DLGAP2: variants seen among roughly 807,000 people sequenced by gnomAD.
DLGAP2 encodes the protein disks large-associated protein 2.
Under a neutral mutation model 100.3 loss-of-function variants are expected in DLGAP2, and 26 were observed. The observed-to-expected ratio is 0.26, with a 90% CI of 0.19 to 0.36. DLGAP2 has a LOEUF of 0.36. DLGAP2 is among the 10% of genes least tolerant of loss of function. DLGAP2 has a pLI of 1.00. For missense variants in DLGAP2, 1,858 were observed against 1,453.2 expected (o/e 1.28, Z -4.53); for synonymous variants, 886 against 630.1 (o/e 1.41, Z -6.08).
At chr8:742,320 G>C (rs1366915463) in intron 1 of DLGAP2, among the ~76,000 whole-genome samples, 1 of 152,164 alleles carries the variant, frequency 6.6e-6, no homozygotes, top group Non-Finnish European at 1.5e-5. Flanking sequence ...CTGTAAACTT[G>C]TGTTAAAAAT....
intron 3 of DLGAP2, among the ~76,000 whole-genome samples, chr8:1,284,685 C>T (rs1224418987): frequency 1.3e-5 from 2 of 152,112 alleles, no homozygotes; most frequent in African/African-American, 4.8e-5. Context: ...GAAGTGGCAC[C>T]GTCTCAGCTC....
chr8:912,861 G>A (rs937216077), intron 2 of DLGAP2, among the ~76,000 whole-genome samples: 11 of 148,444 alleles, frequency 7.4e-5, no homozygotes, highest in South Asian at 6.5e-4. Flanking sequence ...CCCGCACCAC[G>A]GTGCCCGCCT....
chr8:1,199,938 C>CCG (rs1477038555), intron 2 of DLGAP2, among the ~76,000 whole-genome samples: 1 of 67,356 alleles, frequency 1.5e-5, no homozygotes, highest in Non-Finnish European at 3.2e-5. Flanking sequence ...TGGAAGGATT[C>CCG]CCCCCCACAA....
At chr8:1,185,030 G>C (rs1183867278) in intron 2 of DLGAP2, among the ~76,000 whole-genome samples, 1 of 152,140 alleles carries the variant, frequency 6.6e-6, no homozygotes, top group Non-Finnish European at 1.5e-5. Context: ...CCGGGGGACG[G>C]GGGATGGTGA....
chr8:1,625,317 T>C (rs1797463322), intron 6 of DLGAP2, among the ~76,000 whole-genome samples: 1 of 152,230 alleles, frequency 6.6e-6, no homozygotes, highest in Non-Finnish European at 1.5e-5. Flanking sequence ...TGTGGAAAGA[T>C]TGTCAATAAA....
chr8:1,469,124 C>T (rs1423906235), intron 3 of DLGAP2, among the ~76,000 whole-genome samples: 3 of 152,172 alleles, frequency 2.0e-5, no homozygotes, highest in Admixed American at 6.5e-5. Context: ...CTGGGCGCCC[C>T]GTGTCCAGCT....
chr8:1,249,483 A>G (rs1453587169), intron 2 of DLGAP2, among the ~76,000 whole-genome samples: 1 of 152,226 alleles, frequency 6.6e-6, no homozygotes, highest in Non-Finnish European at 1.5e-5. Flanking sequence ...ATAAAAAGCT[A>G]GGAAAGAGAT....
intron 8 of DLGAP2, among the ~76,000 whole-genome samples, chr8:1,656,956 T>A (rs563937029): frequency 3.3e-5 from 5 of 152,156 alleles, no homozygotes; most frequent in Non-Finnish European, 7.3e-5. Context: ...AAAGCCCAGG[T>A]ATGTTTTCAT....
At chr8:778,962 A>T (rs1821609539) in intron 1 of DLGAP2, among the ~76,000 whole-genome samples, 1 of 152,140 alleles carries the variant, frequency 6.6e-6, no homozygotes, top group Non-Finnish European at 1.5e-5. Flanking sequence ...TTGCAGTTTG[A>T]TCTCAGACTG....
chr8:1,221,838 G>A (rs1038378703), intron 2 of DLGAP2, among the ~76,000 whole-genome samples: 1 of 152,116 alleles, frequency 6.6e-6, no homozygotes, highest in Non-Finnish European at 1.5e-5. Context: ...GTATTGAATT[G>A]AAGGAGTGGT....
At chr8:1,640,557 C>T (rs1230662874) in intron 8 of DLGAP2, among the ~76,000 whole-genome samples, 1 of 152,164 alleles carries the variant, frequency 6.6e-6, no homozygotes, top group Non-Finnish European at 1.5e-5. Context: ...AACTGCCAAC[C>T]ACCATGGCTT....
At chr8:955,419 T>C (rs2129008711) in intron 2 of DLGAP2, among the ~76,000 whole-genome samples, 1 of 152,140 alleles carries the variant, frequency 6.6e-6, no homozygotes, top group African/African-American at 2.4e-5. Flanking sequence ...TCCTCCTCCC[T>C]CCTCCCCACT....
chr8:1,107,428 C>T (rs1804812552), intron 2 of DLGAP2, among the ~76,000 whole-genome samples: 1 of 152,162 alleles, frequency 6.6e-6, no homozygotes, highest in Non-Finnish European at 1.5e-5. Context: ...CAGAGGCGTC[C>T]AAAGGAAGCG....
At chr8:1,013,112 T>C (rs987768759) in intron 2 of DLGAP2, among the ~76,000 whole-genome samples, 1 of 152,222 alleles carries the variant, frequency 6.6e-6, no homozygotes, top group Admixed American at 6.5e-5. Flanking sequence ...TCCATTATTA[T>C]GTCTTTTCCC....
At chr8:788,827 A>G (rs1385375261) in intron 1 of DLGAP2, among the ~76,000 whole-genome samples, 2 of 152,180 alleles carry the variant, frequency 1.3e-5, no homozygotes, top group Admixed American at 6.5e-5. Flanking sequence ...AGGTTAATGC[A>G]TCTTTGTGAC....
At chr8:1,068,856 C>G (rs1019478070) in intron 2 of DLGAP2, among the ~76,000 whole-genome samples, 3 of 152,210 alleles carry the variant, frequency 2.0e-5, no homozygotes, top group South Asian at 4.1e-4. Flanking sequence ...GCTTGTTTAT[C>G]AAGAAGATGC....
intron 12 of DLGAP2, among the ~76,000 whole-genome samples, chr8:1,691,225 A>G (rs1172166713): frequency 1.3e-5 from 2 of 152,212 alleles, no homozygotes; most frequent in African/African-American, 4.8e-5. Context: ...TCCAAACAGC[A>G]GCACTGAAAT....
intron 1 of DLGAP2, among the ~76,000 whole-genome samples, chr8:893,931 G>A (rs534325954): frequency 1.8e-4 from 28 of 152,366 alleles, no homozygotes; most frequent in Middle Eastern, 6.8e-3. Context: ...GCATTGGGAG[G>A]TTCGGCGTCT....
chr8:1,070,741 C>G (rs777171077), intron 2 of DLGAP2, among the ~76,000 whole-genome samples: 8 of 152,184 alleles, frequency 5.3e-5, no homozygotes, highest in Admixed American at 1.3e-4. Flanking sequence ...TTTCCCTCAG[C>G]TAGTATTTGG....
Sources: gnomAD v4.1 joint callset for allele counts (sites outside exome capture counted in the v4.1 genomes callset) on GRCh38, gnomAD v4.1.1 for gene constraint, MANE v1.5 for transcripts, NCBI Gene and HGNC (gene_info 2026-07-23, HGNC 2026-07-21) for gene names.